Variants in ZNF268 observed in about 807,000 individuals in gnomAD.
ZNF268 encodes zinc finger protein 3.
ZNF268 carries 20 observed loss-of-function variants against 29.3 expected under a neutral mutation model. The observed-to-expected ratio is 0.68, with a 90% confidence interval of 0.48 to 0.99. The LOEUF (loss-of-function observed/expected upper bound fraction) is 0.99. Among genes scored for constraint, ZNF268 ranks in the 50% least tolerant of loss-of-function variants. ZNF268 has a pLI of 0.00. For missense variants in ZNF268, 1,240 were observed against 1,121.6 expected (o/e 1.11, Z -1.51); for synonymous variants, 429 against 376.9 (o/e 1.14, Z -1.60).
Position 133,183,444 on chromosome 12 carries a change from C to G in ZNF268, c.33+1414C>G, listed in dbSNP as rs77052330. Among the ~76,000 whole-genome samples, 36 of 150,864 alleles carry G rather than the reference C, an allele frequency of 2.4e-4. No homozygotes were observed. In the East Asian group the frequency reaches 6.1e-3, roughly 25 times the overall value. ...GAACCCAGGAGGCAGAGGTTGCAGT[C>G]AGCCGAGATCGCGCCACTGCACTCC... On this transcript the variant is annotated intron_variant, in intron 2 of 5. Transcript: ENST00000536435.
intron 5 of ZNF268, among the ~76,000 whole-genome samples, chr12:133,196,105 C>T (rs1453693794): frequency 5.3e-5 from 8 of 150,532 alleles, no homozygotes; most frequent in East Asian, 2.0e-4. Context: ...AGGTGGATCA[C>T]GAGGTCAAGA....
intron 2 of ZNF268, among the ~76,000 whole-genome samples, chr12:133,185,577 T>G (rs1161035384): frequency 6.6e-6 from 1 of 152,078 alleles, no homozygotes; most frequent in Non-Finnish European, 1.5e-5. Flanking sequence ...GGAGAGCAGA[T>G]GAACACAGGT....
At position 133,203,617 on chromosome 12, in the gene ZNF268, A is replaced by G. The variant is rs913627793; in HGVS notation, c.1931A>G (p.Glu644Gly). 3.2e-6 allele frequency: 5 copies of G among 1,568,266 alleles called. No homozygotes were observed. The African/African-American group carries it at 5.4e-5, about 17-fold the overall frequency. Residue 644 changes from glutamate (E) to glycine (G), a missense_variant, in exon 6 of 6, where the codon GAA (glutamate) becomes GGA (glycine). Coordinates refer to ENST00000536435, the MANE Select transcript of ZNF268 (RefSeq NM_003415.3). The stretch of plus-strand genomic sequence containing the variant: ...GGAGAGAAACCCTATAGTTGTAATG[A>G]ATGTGGAAAAGCCTTTACGTTCAAA... ...HTGEKPYSCN[E>G]CGKAFTFKSQ...
At chr12:133,195,630 C>T (rs1245755251) in intron 5 of ZNF268, among the ~76,000 whole-genome samples, 1 of 152,132 alleles carries the variant, frequency 6.6e-6, no homozygotes, top group Non-Finnish European at 1.5e-5. Context: ...TCAGTTGAGT[C>T]TGGGAGGTTG....
rs1468167128 is a variant in ZNF268, at chr12:133,212,716, TATTA to T, written c.*8191_*8194del. The T allele has an allele frequency of 2.0e-5, 3 of 151,984 alleles. No individual in the cohort carries two copies. The highest frequency in any genetic ancestry group is 2.1e-4 in the South Asian group (1 of 4,824). 9.4% of individuals were successfully genotyped at this position (151,984 alleles called of 1,614,324 possible). A position where few individuals can be genotyped will look rare whatever the true frequency, so the allele number is the denominator to read the frequency against. On this transcript the variant is annotated 3_prime_UTR_variant, in exon 6 of 6. Transcript: ENST00000536435. The stretch of plus-strand genomic sequence containing the variant: ...TCCAATTTCTCCACATACTTGCCAA[TATTA>T]ATTAGTTTGTTTCTCTCTCATTTCA...
chr12:133,190,243 C>A (rs1956432602), intron 3 of ZNF268, among the ~76,000 whole-genome samples: 1 of 152,220 alleles, frequency 6.6e-6, no homozygotes, highest in Non-Finnish European at 1.5e-5. Context: ...ATGATAACTT[C>A]TTTTCATATC....
At chr12:133,197,498 A>G (rs1294038713) in intron 5 of ZNF268, among the ~76,000 whole-genome samples, 1 of 151,978 alleles carries the variant, frequency 6.6e-6, no homozygotes, top group Non-Finnish European at 1.5e-5. Flanking sequence ...CAATAAACAT[A>G]CGTGTGCATG....
At position 133,191,916 on chromosome 12, in the gene ZNF268, C is replaced by T. The variant is rs866360705; in HGVS notation, c.370C>T (p.His124Tyr). 6.2e-6 allele frequency: 10 copies of T among 1,613,962 alleles called. No individual in the cohort carries two copies. The African/African-American group carries it at 1.1e-4, about 17-fold the overall frequency. ...YSNLVSLGYQ[H>Y]TKPDIIFKLE... The stretch of plus-strand genomic sequence containing the variant: ...GATTTTTCTATTTATAGGGTACCAA[C>T]ACACCAAACCTGATATCATCTTCAA... Residue 124 changes from histidine (H) to tyrosine (Y), a missense_variant, in exon 5 of 6, where the codon CAC becomes TAC. His to Tyr is a moderately conservative substitution (Grantham distance 83). This residue lies in a region of ZNF268 where 1,177 missense variants were observed against 1,039.6 expected (regional missense o/e 1.13). Coordinates refer to ENST00000536435, the MANE Select transcript of ZNF268 (RefSeq NM_003415.3).
Position 133,210,950 on chromosome 12 carries a change from C to A in ZNF268, c.*6420C>A, listed in dbSNP as rs1336679645. The A allele has an allele frequency of 2.2e-6, 1 of 455,904 alleles. No individual in the cohort carries two copies. The highest frequency in any genetic ancestry group is 4.4e-6 in the Non-Finnish European group (1 of 226,800). 28.2% of individuals were successfully genotyped at this position (455,904 alleles called of 1,614,324 possible). ...CCTGTTTTGTGATGGCCATGTGCCC[C>A]CTCTTGCAGTCCCAGTGAACCCCTG... On this transcript the variant is annotated 3_prime_UTR_variant, in exon 6 of 6. Coordinates refer to ENST00000536435, the MANE Select transcript of ZNF268 (RefSeq NM_003415.3).
In ZNF268 at chr12:133,208,927, A is replaced by G. The variant is rs1956943246; in HGVS notation, c.*4397A>G. The G allele has an allele frequency of 6.6e-6, 1 of 150,390 alleles. No homozygotes were observed. The highest frequency in any genetic ancestry group is 1.5e-5 in the Non-Finnish European group (1 of 67,936). 9.3% of individuals were successfully genotyped at this position (150,390 alleles called of 1,614,324 possible). ...CTCCCTGTGGATGCTCAAGCTCCTT[A>G]TATGGCATAGTATTTGCATTTTTTT... On this transcript the variant is annotated 3_prime_UTR_variant, in exon 6 of 6. Transcript: ENST00000536435.
At chr12:133,199,049 C>T (rs1217362663) in intron 5 of ZNF268, among the ~76,000 whole-genome samples, 1 of 151,982 alleles carries the variant, frequency 6.6e-6, no homozygotes, top group African/African-American at 2.4e-5. Flanking sequence ...CCTAATTGCC[C>T]TGGCCAGAAC....
At chr12:133,183,200 G>A (rs1294433723) in intron 2 of ZNF268, among the ~76,000 whole-genome samples, 1 of 152,210 alleles carries the variant, frequency 6.6e-6, no homozygotes, top group Non-Finnish European at 1.5e-5. Flanking sequence ...TCCACAAAAC[G>A]AGTCCCTGGT....
At chr12:133,190,999 A>G (rs752138790) in intron 3 of ZNF268, among the ~76,000 whole-genome samples, 4 of 152,070 alleles carry the variant, frequency 2.6e-5, no homozygotes, top group Non-Finnish European at 4.4e-5. Flanking sequence ...GCACTCTTGT[A>G]TAGGTGGTTT....
chr12:133,187,075 A>G (rs952241080), intron 2 of ZNF268, among the ~76,000 whole-genome samples: 2 of 152,146 alleles, frequency 1.3e-5, no homozygotes, highest in Non-Finnish European at 2.9e-5. Context: ...AGTGTTTTCA[A>G]CCAGTTATGT....
chr12:133,187,726 T>C, intron 2 of ZNF268, 146 bp from the exon 3 acceptor site: 1 of 768,400 alleles, frequency 1.3e-6, no homozygotes, highest in Admixed American at 2.9e-5. Context: ...AGCCATTTCT[T>C]TTCTGCCTCT....
chr12:133,197,534 G>A (rs1404227375), intron 5 of ZNF268, among the ~76,000 whole-genome samples: 4 of 151,994 alleles, frequency 2.6e-5, no homozygotes, highest in South Asian at 4.2e-4. Context: ...ATGATTTATA[G>A]TCCTTTGGGT....
intron 3 of ZNF268, among the ~76,000 whole-genome samples, chr12:133,191,205 T>G (rs973747875): frequency 2.0e-5 from 3 of 151,774 alleles, no homozygotes; most frequent in Non-Finnish European, 4.4e-5. Context: ...TAGTCCCAGC[T>G]ACTCGGGAGG....
In ZNF268 at chr12:133,201,487, G is replaced by C. The variant is rs188360973; in HGVS notation, c.458-657G>C. Among the ~76,000 whole-genome samples the C allele has an allele frequency of 2.6e-3, 400 of 152,048 alleles. 3 individuals are homozygous for C. Among genetic ancestry groups the C allele is most frequent in the Non-Finnish European group, 4.4e-3 (297 of 67,932 alleles). On this transcript the variant is annotated intron_variant, in intron 5 of 5. Coordinates refer to ENST00000536435, the MANE Select transcript of ZNF268 (RefSeq NM_003415.3). ...TTTATTCCTCATTGCTCTATTTTCT[G>C]TCCTCTAGTTTTCCTAAAGAGAAGT...
At chr12:133,192,248 C>T (rs185623493) in intron 5 of ZNF268, among the ~76,000 whole-genome samples, 1 of 151,924 alleles carries the variant, frequency 6.6e-6, no homozygotes. Context: ...GCTGGGGTTA[C>T]AGTTGTGCGC....
Sources: allele counts gnomAD v4.1 joint callset (sites outside exome capture counted in the v4.1 genomes callset), GRCh38; gene constraint gnomAD v4.1.1; regional missense constraint gnomAD v4.1.1; transcripts MANE v1.5; gene names NCBI Gene and HGNC (gene_info 2026-07-23, HGNC 2026-07-21).